CCSER1: variants seen among roughly 807,000 people sequenced by gnomAD.
CCSER1 encodes the protein coiled-coil serine rich protein 1, also known as serine-rich coiled-coil domain-containing protein 1.
Under a neutral mutation model 82.0 loss-of-function variants are expected in CCSER1, and 41 were observed. The observed-to-expected ratio is 0.50, with a 90% CI of 0.39 to 0.65. The LOEUF (loss-of-function observed/expected upper bound fraction) is 0.65, where lower values mean the gene tolerates loss of function less well. Among genes scored for constraint, CCSER1 ranks in the 30% least tolerant of loss-of-function variants. CCSER1 has a pLI of 0.00. For missense variants in CCSER1, 1,119 were observed against 1,064.2 expected, an observed-to-expected ratio of 1.05 and a Z score of -0.72; for synonymous variants, 414 against 383.9, an observed-to-expected ratio of 1.08 and a Z score of -0.92.
At chr4:90,465,325 T>A (rs1763484971) in intron 4 of CCSER1, among the ~76,000 whole-genome samples, 1 of 149,180 alleles carries the variant, frequency 6.7e-6, no homozygotes, top group South Asian at 2.1e-4. Context: ...GTGTTCTTTT[T>A]TTTTTTTTTT....
chr4:90,285,016 A>G (rs960753335), intron 1 of CCSER1, among the ~76,000 whole-genome samples: 2 of 152,044 alleles, frequency 1.3e-5, no homozygotes, highest in Non-Finnish European at 2.9e-5. Flanking sequence ...TTATGCTAGT[A>G]TCATGCTGTT....
chr4:91,014,195 C>T (rs1739236115), intron 9 of CCSER1, among the ~76,000 whole-genome samples: 3 of 133,378 alleles, frequency 2.2e-5, no homozygotes, highest in Admixed American at 1.5e-4. Context: ...AAGATTTTGG[C>T]GACCATCATT....
intron 5 of CCSER1, among the ~76,000 whole-genome samples, chr4:90,541,453 A>G (rs1347485953): frequency 6.6e-6 from 1 of 152,016 alleles, no homozygotes; most frequent in African/African-American, 2.4e-5. Flanking sequence ...CTTATCCCAA[A>G]CTCTATAAAG....
chr4:90,343,167 T>C (rs987725881), intron 3 of CCSER1, among the ~76,000 whole-genome samples: 1 of 152,152 alleles, frequency 6.6e-6, no homozygotes, highest in Non-Finnish European at 1.5e-5. Flanking sequence ...AAACTTTCTC[T>C]TCTATTTTTT....
intron 9 of CCSER1, among the ~76,000 whole-genome samples, chr4:91,055,371 T>G (rs1371149949): frequency 6.6e-6 from 1 of 152,230 alleles, no homozygotes; most frequent in African/African-American, 2.4e-5. Flanking sequence ...TTATTTTTAA[T>G]GCATTAGTCT....
intron 1 of CCSER1, among the ~76,000 whole-genome samples, chr4:90,298,668 T>C (rs563912348): frequency 1.6e-4 from 25 of 151,650 alleles, no homozygotes; most frequent in Middle Eastern, 3.4e-3. Context: ...GCTTTGAATG[T>C]GTCCCAGAGA....
chr4:91,086,659 A>C (rs375181503), intron 10 of CCSER1, among the ~76,000 whole-genome samples: 9 of 152,204 alleles, frequency 5.9e-5, no homozygotes, highest in Admixed American at 2.0e-4. Flanking sequence ...TTATATTGCA[A>C]TTTTTGTACA....
chr4:91,236,239 G>C (rs1462231681), intron 10 of CCSER1, among the ~76,000 whole-genome samples: 1 of 152,220 alleles, frequency 6.6e-6, no homozygotes, highest in South Asian at 2.1e-4. Context: ...TGTAATCCCA[G>C]CACTTTGGGA....
intron 5 of CCSER1, among the ~76,000 whole-genome samples, chr4:90,484,910 C>A (rs1452493635): frequency 1.3e-5 from 2 of 152,206 alleles, no homozygotes; most frequent in African/African-American, 4.8e-5. Flanking sequence ...AGCTGTCAGA[C>A]AGGGACATTT....
intron 10 of CCSER1, among the ~76,000 whole-genome samples, chr4:91,094,699 C>T (rs748639518): frequency 2.6e-5 from 4 of 152,098 alleles, no homozygotes; most frequent in Admixed American, 6.6e-5. Context: ...CTTGATTGAT[C>T]GTCAGCCCTG....
At chr4:90,592,115 A>C (rs1349881027) in intron 5 of CCSER1, among the ~76,000 whole-genome samples, 1 of 152,182 alleles carries the variant, frequency 6.6e-6, no homozygotes, top group Non-Finnish European at 1.5e-5. Context: ...ACCTGTTGAT[A>C]GGTGCAGGAA....
At chr4:90,250,087 T>C (rs1722118851) in intron 1 of CCSER1, among the ~76,000 whole-genome samples, 1 of 152,048 alleles carries the variant, frequency 6.6e-6, no homozygotes, top group African/African-American at 2.4e-5. Context: ...TTAAAAAAAT[T>C]GGGTTGTATT....
At chr4:90,556,854 G>GTATATA (rs56675984) in intron 5 of CCSER1, among the ~76,000 whole-genome samples, 10 of 146,120 alleles carry the variant, frequency 6.8e-5, no homozygotes, top group African/African-American at 2.5e-4. Flanking sequence ...ATCTATATGT[G>GTATATA]TATATATATA....
At chr4:91,149,202 T>TGG (rs570554337) in intron 10 of CCSER1, among the ~76,000 whole-genome samples, 3,176 of 152,280 alleles carry the variant, frequency 0.021, 46 homozygotes, top group Middle Eastern at 0.034. Flanking sequence ...TGTCTCATTA[T>TGG]GGTTTTGATT....
At chr4:90,903,211 G>T (rs1724926289) in intron 8 of CCSER1, among the ~76,000 whole-genome samples, 1 of 152,060 alleles carries the variant, frequency 6.6e-6, no homozygotes, top group Admixed American at 6.6e-5. Context: ...CCCATGTGTT[G>T]TTGGAGGGAC....
chr4:91,429,693 A>G (rs1404014790), intron 10 of CCSER1, among the ~76,000 whole-genome samples: 1 of 151,960 alleles, frequency 6.6e-6, no homozygotes, highest in Non-Finnish European at 1.5e-5. Flanking sequence ...CGATAAATAT[A>G]CTTAAATTAA....
At chr4:90,507,511 G>A (rs1770868460) in intron 5 of CCSER1, among the ~76,000 whole-genome samples, 1 of 151,870 alleles carries the variant, frequency 6.6e-6, no homozygotes, top group Non-Finnish European at 1.5e-5. Context: ...GAGAAATTGA[G>A]ATAGAGATAG....
chr4:91,440,495 T>A (rs989528825), intron 10 of CCSER1, among the ~76,000 whole-genome samples: 61 of 152,256 alleles, frequency 4.0e-4, no homozygotes, highest in African/African-American at 1.3e-3. Context: ...TTTATAGCAC[T>A]AAATGCCCAC....
chr4:91,578,564 A>T (rs1481649796), intron 10 of CCSER1, among the ~76,000 whole-genome samples: 1 of 151,958 alleles, frequency 6.6e-6, no homozygotes, highest in East Asian at 1.9e-4. Flanking sequence ...ATCTGAGGAA[A>T]TTGATGGCTA....
Sources: allele counts gnomAD v4.1 joint callset (sites outside exome capture counted in the v4.1 genomes callset), GRCh38; gene constraint gnomAD v4.1.1; transcripts MANE v1.5; gene names NCBI Gene and HGNC (gene_info 2026-07-23, HGNC 2026-07-21).